The following CCDC85A variants were observed in gnomAD, a reference collection of about 807,000 sequenced individuals.
The protein encoded by CCDC85A is coiled-coil domain-containing protein 85A.
CCDC85A carries 38 observed loss-of-function variants against 50.2 expected under a neutral mutation model. The ratio of observed to expected loss-of-function variants is 0.76; its 90% CI spans 0.58 to 0.99. The LOEUF (loss-of-function observed/expected upper bound fraction) is 0.99, where lower values mean the gene tolerates loss of function less well. CCDC85A is among the 50% of genes least tolerant of loss of function. The probability of loss-of-function intolerance (pLI) is 0.00; values close to 1 mark genes in which losing one functional copy is unlikely to be tolerated. For synonymous variants in CCDC85A, 366 were observed against 301.4 expected (o/e 1.21, Z -2.22); for missense variants, 820 against 742.0 (o/e 1.11, Z -1.22).
intron 2 of CCDC85A, among the ~76,000 whole-genome samples, chr2:56,317,592 T>C (rs1466317675): frequency 6.6e-6 from 1 of 152,140 alleles, no homozygotes; most frequent in Non-Finnish European, 1.5e-5. Context: ...GGAATTGTAT[T>C]CATAATTGGA....
chr2:56,233,137 C>T (rs1293290564), intron 2 of CCDC85A, among the ~76,000 whole-genome samples: 1 of 152,192 alleles, frequency 6.6e-6, no homozygotes, highest in Non-Finnish European at 1.5e-5. Flanking sequence ...AAGCTTAACT[C>T]TCACTTCTTC....
chr2:56,259,888 C>T (rs1328557653), intron 2 of CCDC85A, among the ~76,000 whole-genome samples: 1 of 152,178 alleles, frequency 6.6e-6, no homozygotes, highest in African/African-American at 2.4e-5. Context: ...TCTCATTACT[C>T]ATCTTAAGGG....
intron 2 of CCDC85A, among the ~76,000 whole-genome samples, chr2:56,329,945 GT>G (rs535050957): frequency 5.9e-4 from 26 of 44,150 alleles, no homozygotes; most frequent in African/African-American, 1.5e-3. Context: ...CAGATTTCCT[GT>G]TTTTTTTTTT....
chr2:56,216,684 A>T (rs1677407053), intron 2 of CCDC85A, among the ~76,000 whole-genome samples: 2 of 144,454 alleles, frequency 1.4e-5, no homozygotes, highest in Non-Finnish European at 1.5e-5. Context: ...TTTCAGTAAT[A>T]TTTTCATTTT....
At chr2:56,263,563 G>A (rs945411348) in intron 2 of CCDC85A, among the ~76,000 whole-genome samples, 1 of 152,142 alleles carries the variant, frequency 6.6e-6, no homozygotes, top group African/African-American at 2.4e-5. Context: ...CTGGTCTTGT[G>A]GATGTGCAAG....
chr2:56,293,187 C>T (rs1671795470), intron 2 of CCDC85A, among the ~76,000 whole-genome samples: 2 of 152,164 alleles, frequency 1.3e-5, no homozygotes, highest in African/African-American at 4.8e-5. Flanking sequence ...CTTGTTACAA[C>T]ATTCTAGGCT....
At chr2:56,244,544 G>A (rs1016375852) in intron 2 of CCDC85A, among the ~76,000 whole-genome samples, 5 of 151,780 alleles carry the variant, frequency 3.3e-5, no homozygotes, top group Admixed American at 6.6e-5. Flanking sequence ...CTAAGAGACT[G>A]CAGGATCCTC....
At chr2:56,213,216 C>T (rs779088374) in intron 2 of CCDC85A, among the ~76,000 whole-genome samples, 1 of 152,020 alleles carries the variant, frequency 6.6e-6, no homozygotes, top group Non-Finnish European at 1.5e-5. Context: ...AATGGATCAC[C>T]TTGGTCACTA....
chr2:56,374,788 G>A (rs527464700), intron 4 of CCDC85A, among the ~76,000 whole-genome samples: 13 of 152,322 alleles, frequency 8.5e-5, no homozygotes, highest in South Asian at 6.2e-4. Flanking sequence ...CAGCCTGGGC[G>A]ATGGAGAGAG....
rs1025180187 is a variant in CCDC85A at position 56,375,756 on chromosome 2, C to A, written c.1453-60C>A. The A allele has an allele frequency of 6.0e-5, 93 of 1,543,112 alleles. No homozygotes were observed. In the East Asian group the frequency reaches 2.1e-3, roughly 34 times the overall value. Reference sequence around the variant, plus strand: ...GGTAGTGAAATTGAATATTGAATGACATCTTTGTAGTTATAAACGACTTTT... The same window carrying A: ...GGTAGTGAAATTGAATATTGAATGAAATCTTTGTAGTTATAAACGACTTTT... On this transcript the variant is annotated intron_variant, in intron 4 of 5. Transcript: ENST00000407595.
chr2:56,347,658 A>T (rs1360256447), intron 3 of CCDC85A, among the ~76,000 whole-genome samples: 1 of 152,184 alleles, frequency 6.6e-6, no homozygotes, highest in South Asian at 2.1e-4. Context: ...CCCTGCATGG[A>T]AAATTTATGC....
At chr2:56,331,353 C>A (rs534191039) in intron 2 of CCDC85A, among the ~76,000 whole-genome samples, 2 of 151,964 alleles carry the variant, frequency 1.3e-5, no homozygotes, top group Non-Finnish European at 2.9e-5. Context: ...CACCTGTATA[C>A]CTATATAAGC....
rs78560387 is a variant in CCDC85A, at chr2:56,225,971, A to G, written c.1240+32531A>G. Among the ~76,000 whole-genome samples the G allele has an allele frequency of 5.9e-3, 902 of 152,302 alleles. 8 individuals are homozygous for G. Among genetic ancestry groups the G allele is most frequent in the African/African-American group, 0.021 (872 of 41,568 alleles). The stretch of plus-strand genomic sequence containing the variant: ...AGAAGAATTGATATATTTTCCAGAT[A>G]TTTCATTTTCCTGCTCAACACATTG... On this transcript the variant is annotated intron_variant, in intron 2 of 5. Coordinates refer to ENST00000407595, the MANE Select transcript of CCDC85A (RefSeq NM_001080433.2).
chr2:56,370,077 A>AC lies in CCDC85A; in HGVS notation c.1318-2266dup, dbSNP rs201405732. ...TTTCACAAACTTGGAATTTTAGAAA[A>AC]CTACAGAAAACAAAACTAAGTGAAA... is the stretch of plus-strand genomic sequence containing the variant. On this transcript the variant is annotated intron_variant, in intron 3 of 5. Coordinates refer to ENST00000407595, the MANE Select transcript of CCDC85A (RefSeq NM_001080433.2). Among the ~76,000 whole-genome samples the AC allele has an allele frequency of 6.3e-3, 963 of 152,240 alleles. 5 individuals carry two copies. Among genetic ancestry groups the AC allele is most frequent in the Middle Eastern group, 0.02 (6 of 294 alleles).
intron 3 of CCDC85A, among the ~76,000 whole-genome samples, chr2:56,362,080 C>T (rs10168390): frequency 0.12 from 18,943 of 152,072 alleles, 1,199 homozygotes; most frequent in African/African-American, 0.14. Context: ...GGACTGCATA[C>T]GGCTTCATAG....
At chr2:56,261,608 C>T (rs1238594693) in intron 2 of CCDC85A, among the ~76,000 whole-genome samples, 1 of 152,174 alleles carries the variant, frequency 6.6e-6, no homozygotes. Context: ...TGGATGGTAA[C>T]ATACGCATGT....
At chr2:56,308,861 A>T (rs1558634130) in intron 2 of CCDC85A, among the ~76,000 whole-genome samples, 2 of 152,162 alleles carry the variant, frequency 1.3e-5, no homozygotes, top group Non-Finnish European at 2.9e-5. Flanking sequence ...GGCCGTGTAA[A>T]TTCCAGGCTG....
At chr2:56,375,999 TCTAGTAGTCCTCACAGTCTTG>T in intron 5 of CCDC85A, 64 bp downstream of exon 5, 2 of 1,556,042 alleles carry the variant, frequency 1.3e-6, no homozygotes, top group Non-Finnish European at 1.7e-6. Context: ...TTCGCTGTAG[TCTAGTAGTCCTCACAGTCTTG>T]CTTGAACCAT....
chr2:56,346,513 G>C (rs1007255863), intron 3 of CCDC85A, among the ~76,000 whole-genome samples: 4 of 152,202 alleles, frequency 2.6e-5, no homozygotes, highest in Admixed American at 1.3e-4. Flanking sequence ...ACCGTGGCAA[G>C]TCATCCCCAG....
Sources: allele counts gnomAD v4.1 joint callset (sites outside exome capture counted in the v4.1 genomes callset), GRCh38; gene constraint gnomAD v4.1.1; transcripts MANE v1.5; gene names NCBI Gene and HGNC (gene_info 2026-07-23, HGNC 2026-07-21).